MOCS1: variants seen among roughly 807,000 people sequenced by gnomAD.
The protein encoded by MOCS1 is molybdenum cofactor synthesis 1.
In MOCS1, 39 loss-of-function variants were observed where a neutral mutation model predicts 57.6. The observed-to-expected ratio is 0.68, with a 90% CI of 0.52 to 0.88. The LOEUF is 0.88. Ranked by LOEUF, MOCS1 falls within the 40% of genes least tolerant of loss-of-function variation. MOCS1 has a pLI of 0.00. For missense variants in MOCS1, 795 were observed against 831.1 expected (o/e 0.96, Z 0.53); for synonymous variants, 334 against 335.7 (o/e 1.00, Z 0.05).
rs758344970 is a variant in MOCS1, at chr6:39,934,427, T to C, written c.-10A>G. The stretch of plus-strand genomic sequence containing the variant: ...GTGGCCGCGCCGCCATGAAGCCTGA[T>C]ACGAGCGGAACCGCAGCCCGCTTCG... On this transcript the variant is annotated 5_prime_UTR_variant, in exon 1 of 11. Coordinates refer to ENST00000340692, the MANE Select transcript of MOCS1 (RefSeq NM_001358530.2). 25 of 1,566,554 alleles carry C rather than the reference T, an allele frequency of 1.6e-5. No homozygotes were observed. The highest frequency in any genetic ancestry group is 2.0e-4 in the Middle Eastern group (1 of 4,898).
At chr6:39,933,696 G>A (rs928388632) in intron 1 of MOCS1, among the ~76,000 whole-genome samples, 5 of 152,162 alleles carry the variant, frequency 3.3e-5, no homozygotes, top group Non-Finnish European at 5.9e-5. Context: ...CCTAAAGACA[G>A]AGGAATTAAT....
chr6:39,934,115 G>A (rs1208825728), intron 1 of MOCS1, among the ~76,000 whole-genome samples, 180 bp downstream of exon 1: 2 of 152,072 alleles, frequency 1.3e-5, no homozygotes, highest in African/African-American at 2.4e-5. Flanking sequence ...AACCTCTCCC[G>A]CTGGGCTAGC....
intron 4 of MOCS1, 95 bp downstream of exon 4, chr6:39,915,973 G>A: frequency 7.3e-7 from 1 of 1,374,566 alleles, no homozygotes; most frequent in Non-Finnish European, 1.0e-6. Context: ...GACACCAAGA[G>A]GAAGTGACCA....
In MOCS1 at chr6:39,905,264, A is replaced by C; in HGVS notation, c.*1093T>G. 2.2e-6 allele frequency: 1 copy of C among 454,460 alleles called. No homozygotes were observed. Among genetic ancestry groups the C allele is most frequent in the South Asian group, 1.6e-5 (1 of 64,492 alleles). 28.2% of individuals were successfully genotyped at this position (454,460 alleles called of 1,614,324 possible). ...CTAATAGCTGGTAATGCAAGCAATGAGCTTTGAACACCCCTGGCCACCACC... is the reference window on the plus strand; with the variant it reads ...CTAATAGCTGGTAATGCAAGCAATGCGCTTTGAACACCCCTGGCCACCACC... On this transcript the variant is annotated 3_prime_UTR_variant, in exon 11 of 11. Transcript: ENST00000340692.
intron 2 of MOCS1, 44 bp from the exon 3 acceptor site, chr6:39,925,889 C>G (rs372598176): frequency 2.0e-4 from 319 of 1,576,492 alleles, no homozygotes; most frequent in Non-Finnish European, 2.6e-4. Flanking sequence ...GAAAGAGGCA[C>G]GGCCACAGCC....
chr6:39,927,577 ATG>A lies in MOCS1; in HGVS notation c.124-124_124-123del, dbSNP rs748167464. ...TGTGCGGAGCTTCCAACTCTTCCAC[ATG>A]TTTGGGCTCTGCAATGTTGGGGAAG... On this transcript the variant is annotated intron_variant, in intron 1 of 10. Transcript: ENST00000340692. The A allele has an allele frequency of 3.0e-5, 48 of 1,608,626 alleles. No individual in the cohort carries two copies. In the Admixed American group the frequency reaches 8.0e-4, roughly 27 times the overall value.
chr6:39,915,754 C>A lies in MOCS1; in HGVS notation c.583+314G>T, dbSNP rs1198745961. On this transcript the variant is annotated intron_variant, in intron 4 of 10. Transcript: ENST00000340692. Reference sequence around the variant, plus strand: ...TCTTCAGAGCTCATCGTAGAATGACCAACTCGGCCCAGTTTGCCACAGACT... The same window carrying A: ...TCTTCAGAGCTCATCGTAGAATGACAAACTCGGCCCAGTTTGCCACAGACT... Among the ~76,000 whole-genome samples, 3 of 152,086 alleles carry A rather than the reference C, an allele frequency of 2.0e-5. 1 individual carries two copies. The highest frequency in any genetic ancestry group is 4.4e-5 in the Non-Finnish European group (3 of 68,008).
In MOCS1 at chr6:39,923,790, A is replaced by T. The variant is rs572066656; in HGVS notation, c.418+1888T>A. Among the ~76,000 whole-genome samples the T allele has an allele frequency of 8.5e-5, 13 of 152,270 alleles. No individual in the cohort carries two copies. The East Asian group carries it at 2.3e-3, about 27-fold the overall frequency. On this transcript the variant is annotated intron_variant, in intron 3 of 10. Transcript: ENST00000340692. The stretch of plus-strand genomic sequence containing the variant: ...GAGGGAGAAGAGGGCTGTCAGGGGG[A>T]CCTGGGCCCCTCCTTGGGACTCTCA...
Position 39,906,731 on chromosome 6 carries a change from G to A in MOCS1, c.1537C>T (p.Leu513Phe). 1 of 1,614,202 alleles carries A rather than the reference G, an allele frequency of 6.2e-7. No homozygotes were observed. The highest frequency in any genetic ancestry group is 8.5e-7 in the Non-Finnish European group (1 of 1,180,050). ...AGCTTGAAGGCTACCGGTCCCAGGA[G>A]GACCACGGCTGAAGCCACAGCCACC... Reference protein sequence around the residue: ...ERVAVASAVVLLGPVAFKLVQ... With the variant: ...ERVAVASAVVFLGPVAFKLVQ... The change falls in exon 11 of 11, where the codon CTC becomes TTC. Residue 513 changes from leucine to phenylalanine, a missense_variant. By Grantham distance (22) the Leu-to-Phe change is conservative (BLOSUM62 0). Around this residue, in one of 3 missense-constraint regions of MOCS1, gnomAD observed 374 missense variants for 422.6 expected, o/e 0.89. Coordinates refer to ENST00000340692, the MANE Select transcript of MOCS1 (RefSeq NM_001358530.2).
rs1766763179 is a variant in MOCS1, at chr6:39,905,023, T to TCAA, written c.*1331_*1333dup. On this transcript the variant is annotated 3_prime_UTR_variant, in exon 11 of 11. Transcript: ENST00000340692. ...TGACATACTGGTAGCTTGAAATTAT[T>TCAA]CAACATGGGAGTATTTATATCACAA... The TCAA allele has an allele frequency of 2.2e-6, 1 of 453,950 alleles. No homozygotes were observed. The highest frequency in any genetic ancestry group is 2.0e-5 in the African/African-American group (1 of 49,944). The allele number at this position is 453,950 out of a possible 1,614,324, so 28.1% of individuals were successfully genotyped here. A position where few individuals can be genotyped will look rare whatever the true frequency, so the allele number is the denominator to read the frequency against.
At chr6:39,913,512 G>A in intron 5 of MOCS1, 84 bp from the exon 6 acceptor site, 2 of 1,206,650 alleles carry the variant, frequency 1.7e-6, no homozygotes, top group Non-Finnish European at 2.4e-6. Context: ...GGCACTCACT[G>A]AGGCCTTCCA....
chr6:39,910,276 C>A (rs904054185), intron 8 of MOCS1, among the ~76,000 whole-genome samples: 1 of 152,234 alleles, frequency 6.6e-6, no homozygotes, highest in Non-Finnish European at 1.5e-5. Context: ...GAGACACTTG[C>A]TGGAATGGCC....
chr6:39,905,289 C>G lies in MOCS1; in HGVS notation c.*1068G>C, dbSNP rs2149393305. ...AGCTTTGAACACCCCTGGCCACCAC[C>G]TGACAAAAGATTTCCCTTAGATGGT... On this transcript the variant is annotated 3_prime_UTR_variant, in exon 11 of 11. Transcript: ENST00000340692. The G allele has an allele frequency of 2.2e-6, 1 of 455,008 alleles. No individual in the cohort carries two copies. Among genetic ancestry groups the G allele is most frequent in the South Asian group, 1.6e-5 (1 of 64,512 alleles). 28.2% of individuals were successfully genotyped at this position (455,008 alleles called of 1,614,324 possible). A position where few individuals can be genotyped will look rare whatever the true frequency, so the allele number is the denominator to read the frequency against.
At chr6:39,923,933 G>A (rs1768121595) in intron 3 of MOCS1, among the ~76,000 whole-genome samples, 1 of 152,208 alleles carries the variant, frequency 6.6e-6, no homozygotes, top group Non-Finnish European at 1.5e-5. Context: ...GCATGCAAGA[G>A]GGCACTCCAG....
At chr6:39,930,602 G>C (rs1466886491) in intron 1 of MOCS1, among the ~76,000 whole-genome samples, 1 of 152,134 alleles carries the variant, frequency 6.6e-6, no homozygotes, top group Non-Finnish European at 1.5e-5. Context: ...TTGAAACCCT[G>C]GCAGCCCATC....
intron 2 of MOCS1, 44 bp downstream of exon 2, chr6:39,927,285 G>A: frequency 6.2e-7 from 1 of 1,602,984 alleles, no homozygotes; most frequent in African/African-American, 1.3e-5. Flanking sequence ...GGCTGCTTCA[G>A]CAGATGGACA....
In MOCS1 at chr6:39,906,914, G is replaced by A. The variant is rs765663594; in HGVS notation, c.1354C>T (p.Arg452Cys). 3.7e-6 allele frequency: 6 copies of A among 1,614,150 alleles called. No individual in the cohort carries two copies. Among genetic ancestry groups the A allele is most frequent in the South Asian group, 3.3e-5 (3 of 91,060 alleles). Residue 452 changes from arginine (R) to cysteine (C), a missense_variant, in exon 11 of 11, where the codon CGT (arginine) becomes TGT (cysteine). Transcript: ENST00000340692. Reference protein sequence around the residue: ...SGSFQRHYTSRADSDANSKCL... With the variant: ...SGSFQRHYTSCADSDANSKCL... Reference sequence around the variant, plus strand: ...TTTGAGTTGGCATCTGAGTCTGCACGGGAAGTGTAGTGTCTCTGAAAGGAG... The same window carrying A: ...TTTGAGTTGGCATCTGAGTCTGCACAGGAAGTGTAGTGTCTCTGAAAGGAG...
In MOCS1 at chr6:39,904,691, T is replaced by TATC. The variant is rs1164167038; in HGVS notation, c.*1663_*1665dup. ...TTTCCACCAACTGGGGAACTGTGAC[T>TATC]ATCTATCTCCCCCGACTTCTACCAG... On this transcript the variant is annotated 3_prime_UTR_variant, in exon 11 of 11. Transcript: ENST00000340692. 1.4e-5 allele frequency: 6 copies of TATC among 440,848 alleles called. No individual in the cohort carries two copies. Among genetic ancestry groups the TATC allele is most frequent in the Admixed American group, 4.8e-5 (2 of 41,784 alleles). 27.3% of individuals were successfully genotyped at this position (440,848 alleles called of 1,614,324 possible).
rs541535447 is a variant in MOCS1 at position 39,922,051 on chromosome 6, C to CCTG, written c.418+3624_418+3626dup. ...GGAAGTTAGGATGGAAAACAAGGGC[C>CCTG]CTGCAAACTCCTCCAACACTCTCAC... On this transcript the variant is annotated intron_variant, in intron 3 of 10. Transcript: ENST00000340692. 2.7e-4 allele frequency among the ~76,000 whole-genome samples: 41 copies of CCTG among 152,282 alleles called. No homozygotes were observed. The East Asian group carries it at 7.0e-3, about 26-fold the overall frequency.
Sources: allele counts gnomAD v4.1 joint callset (sites outside exome capture counted in the v4.1 genomes callset), GRCh38; gene constraint gnomAD v4.1.1; regional missense constraint gnomAD v4.1.1; transcripts MANE v1.5; gene names NCBI Gene and HGNC (gene_info 2026-07-23, HGNC 2026-07-21).